FAM13A: variants seen among roughly 807,000 people sequenced by gnomAD.
FAM13A encodes the protein family with sequence similarity 13 member A, also known as protein FAM13A.
FAM13A carries 76 observed loss-of-function variants against 129.6 expected under a neutral mutation model. That is an observed-to-expected ratio of 0.59 (90% CI 0.49 to 0.71). The LOEUF (loss-of-function observed/expected upper bound fraction) is 0.71, where lower values mean the gene tolerates loss of function less well. Among genes scored for constraint, FAM13A ranks in the 30% least tolerant of loss-of-function variants. The pLI is 0.00. For missense variants in FAM13A, 1,108 were observed against 1,249.3 expected, an observed-to-expected ratio of 0.89 and a Z score of 1.70; for synonymous variants, 443 against 449.9, an observed-to-expected ratio of 0.98 and a Z score of 0.20.
Position 88,747,792 on chromosome 4 carries a change from T to C in FAM13A, c.2221A>G (p.Thr741Ala). Residue 741 changes from threonine to alanine, a missense_variant, in exon 18 of 24, where the codon ACA (threonine) becomes GCA (alanine). Coordinates refer to ENST00000264344, the MANE Select transcript of FAM13A (RefSeq NM_014883.4). ...TGGGAACCAAAACTCTTGGGGAGTG[T>C]GTTGCTTCGCTGCCGCATCCTGGGA... ...LTPRMRQRSN[T>A]LPKSFGSQLE... The C allele has an allele frequency of 6.2e-7, 1 of 1,614,200 alleles. No homozygotes were observed. Among genetic ancestry groups the C allele is most frequent in the Non-Finnish European group, 8.5e-7 (1 of 1,180,002 alleles).
chr4:88,886,522 A>G (rs1258011674), intron 6 of FAM13A, among the ~76,000 whole-genome samples: 1 of 152,124 alleles, frequency 6.6e-6, no homozygotes, highest in East Asian at 1.9e-4. Context: ...CAGGAGGCAG[A>G]GGTTGCAGTG....
chr4:88,928,258 TG>T (rs771958232), intron 5 of FAM13A, among the ~76,000 whole-genome samples: 1 of 152,146 alleles, frequency 6.6e-6, no homozygotes, highest in Non-Finnish European at 1.5e-5. Flanking sequence ...CCCAACCATG[TG>T]GTCTATCTCA....
intron 13 of FAM13A, among the ~76,000 whole-genome samples, chr4:88,764,895 G>T (rs1002556316): frequency 6.6e-6 from 1 of 151,938 alleles, no homozygotes; most frequent in Non-Finnish European, 1.5e-5. Flanking sequence ...AATAGAAATG[G>T]GTAACTATTA....
At chr4:88,785,652 C>A (rs977795318) in intron 10 of FAM13A, among the ~76,000 whole-genome samples, 3 of 152,136 alleles carry the variant, frequency 2.0e-5, no homozygotes, top group African/African-American at 7.2e-5. Flanking sequence ...CAGAACCCAG[C>A]ATGAAGATAA....
chr4:88,933,335 C>A lies in FAM13A; in HGVS notation c.759+4753G>T, dbSNP rs539079058. On this transcript the variant is annotated intron_variant, in intron 5 of 23. Coordinates refer to ENST00000264344, the MANE Select transcript of FAM13A (RefSeq NM_014883.4). ...CTTATACACAAACTGGACAACAAGA[C>A]AAACCAGGCTCATAGACTACTGTCC... Among the ~76,000 whole-genome samples, 148 of 152,232 alleles carry A rather than the reference C, an allele frequency of 9.7e-4. 1 individual carries two copies. Among genetic ancestry groups the A allele is most frequent in the African/African-American group, 3.2e-3 (131 of 41,542 alleles).
intron 4 of FAM13A, among the ~76,000 whole-genome samples, chr4:88,941,036 A>G (rs1754676878): frequency 6.6e-6 from 1 of 152,212 alleles, no homozygotes; most frequent in Non-Finnish European, 1.5e-5. Flanking sequence ...GAGTAGTTTC[A>G]TTAAAAATAA....
Position 89,020,566 on chromosome 4 carries a change from G to A in FAM13A, c.321C>T (p.Asp107=), listed in dbSNP as rs764824453. 4.6e-5 allele frequency: 75 copies of A among 1,614,012 alleles called. No individual in the cohort carries two copies. Among genetic ancestry groups the A allele is most frequent in the Admixed American group, 8.3e-5 (5 of 59,998 alleles). ...GACTGGCTGCTGAGCAGACATCACC[G>A]TCCTTCCCGAGCTCCACGGGCACTC... ...ESGVPVELGK[D]GDVCSAASLL... The change falls in exon 3 of 24, where the codon GAC becomes GAT. Residue 107 remains aspartate (D), a synonymous_variant. Coordinates refer to ENST00000264344, the MANE Select transcript of FAM13A (RefSeq NM_014883.4).
intron 11 of FAM13A, among the ~76,000 whole-genome samples, chr4:88,770,451 A>G (rs1720444177): frequency 6.6e-6 from 1 of 152,230 alleles, no homozygotes; most frequent in African/African-American, 2.4e-5. Context: ...CAACAGTGTC[A>G]ATGAAATGAT....
chr4:88,898,612 A>AT lies in FAM13A; in HGVS notation c.843+7766dup, dbSNP rs552665132. On this transcript the variant is annotated intron_variant, in intron 6 of 23. Coordinates refer to ENST00000264344, the MANE Select transcript of FAM13A (RefSeq NM_014883.4). ...AATTGTCTTTGAAAATAAAACTATA[A>AT]TTTTTTTTAGTAACTTCCTATTAAA... Among the ~76,000 whole-genome samples, 1,033 of 152,098 alleles carry AT rather than the reference A, an allele frequency of 6.8e-3. 18 individuals carry two copies. Among genetic ancestry groups the AT allele is most frequent in the African/African-American group, 0.024 (986 of 41,518 alleles).
At position 88,781,196 on chromosome 4, in the gene FAM13A, G is replaced by T; in HGVS notation, c.1427C>A (p.Ser476Tyr). The change falls in exon 11 of 24, where the codon TCT (serine) becomes TAT (tyrosine). Residue 476 changes from serine to tyrosine, a missense_variant. Physicochemically the swap from Ser to Tyr is moderately radical, Grantham distance 144. Coordinates refer to ENST00000264344, the MANE Select transcript of FAM13A (RefSeq NM_014883.4). ...ACCGTCCTGATTGTCATGAAGCTCA[G>T]AAAGTTTAGTACTGGATTTCTGACG... ...PKRQKSSTKL[S>Y]ELHDNQDGLV... The T allele has an allele frequency of 1.2e-6, 2 of 1,608,930 alleles. No homozygotes were observed. The highest frequency in any genetic ancestry group is 1.7e-6 in the Non-Finnish European group (2 of 1,177,536).
intron 3 of FAM13A, among the ~76,000 whole-genome samples, chr4:89,005,765 T>C (rs1764911571): frequency 6.6e-6 from 1 of 151,296 alleles, no homozygotes; most frequent in Non-Finnish European, 1.5e-5. Context: ...TGGGGTTGTT[T>C]TTCTTTCCTA....
At chr4:88,765,281 G>T (rs1405359576) in intron 13 of FAM13A, among the ~76,000 whole-genome samples, 1 of 152,132 alleles carries the variant, frequency 6.6e-6, no homozygotes, top group Non-Finnish European at 1.5e-5. Context: ...TTTACAAGGA[G>T]AATTTTAAAT....
rs755935912 is a variant in FAM13A, at chr4:88,787,742, T to C, written c.1271+11A>G. 6 of 1,609,184 alleles carry C rather than the reference T, an allele frequency of 3.7e-6. No individual in the cohort carries two copies. The highest frequency in any genetic ancestry group is 3.3e-5 in the South Asian group (3 of 90,224). On this transcript the variant is annotated intron_variant, in intron 10 of 23. Coordinates refer to ENST00000264344, the MANE Select transcript of FAM13A (RefSeq NM_014883.4). ...AAACTCAAGTAAGAGGAAGAATCAATGCCAACTCACTTGTCTCTCCCATGT... is the reference window on the plus strand; with the variant it reads ...AAACTCAAGTAAGAGGAAGAATCAACGCCAACTCACTTGTCTCTCCCATGT...
intron 4 of FAM13A, among the ~76,000 whole-genome samples, chr4:88,948,317 A>G (rs541139617): frequency 7.2e-5 from 11 of 152,282 alleles, no homozygotes; most frequent in East Asian, 1.9e-4. Flanking sequence ...ACTGTTGATA[A>G]TATTAATGTT....
intron 4 of FAM13A, among the ~76,000 whole-genome samples, chr4:88,956,338 T>A (rs145843011): frequency 1.1e-4 from 16 of 152,354 alleles, no homozygotes; most frequent in Admixed American, 6.5e-4. Context: ...TACAGTAACA[T>A]GCTGCACATG....
At position 89,047,889 on chromosome 4, in the gene FAM13A, T is replaced by C. The variant is rs906399702; in HGVS notation, c.27+9049A>G. On this transcript the variant is annotated intron_variant, in intron 1 of 23. Coordinates refer to ENST00000264344, the MANE Select transcript of FAM13A (RefSeq NM_014883.4). ...CAAAGAAGATATACAATGGCTAATA[T>C]GCATATGAAAATATGCCCAATATCA... Among the ~76,000 whole-genome samples the C allele has an allele frequency of 4.6e-5, 7 of 152,200 alleles. 1 individual carries two copies. Among genetic ancestry groups the C allele is most frequent in the African/African-American group, 1.7e-4 (7 of 41,448 alleles).
At chr4:88,990,453 A>G (rs911714247) in intron 4 of FAM13A, 2 of 152,254 alleles carry the variant, frequency 1.3e-5, no homozygotes, top group Non-Finnish European at 2.9e-5. Context: ...ATGGAATAAG[A>G]AGGAGAATAA....
intron 14 of FAM13A, among the ~76,000 whole-genome samples, chr4:88,756,837 TA>T (rs1001699645): frequency 3.4e-4 from 50 of 147,974 alleles, no homozygotes; most frequent in Non-Finnish European, 4.2e-4. Flanking sequence ...TACATAAGCT[TA>T]AAAAAAAAAG....
At chr4:88,845,135 G>A (rs1736430526) in intron 7 of FAM13A, among the ~76,000 whole-genome samples, 1 of 152,068 alleles carries the variant, frequency 6.6e-6, no homozygotes, top group African/African-American at 2.4e-5. Context: ...CTACATTAGG[G>A]TTGAGGATCA....
Sources: allele counts gnomAD v4.1 joint callset (sites outside exome capture counted in the v4.1 genomes callset), GRCh38; gene constraint gnomAD v4.1.1; transcripts MANE v1.5; gene names NCBI Gene and HGNC (gene_info 2026-07-23, HGNC 2026-07-21).